SLC44A1: variants seen among roughly 807,000 people sequenced by gnomAD.
SLC44A1 encodes the protein solute carrier family 44 member 1.
Under a neutral mutation model 79.3 loss-of-function variants are expected in SLC44A1, and 26 were observed. That is an observed-to-expected ratio of 0.33 (90% CI 0.24 to 0.46). The LOEUF (loss-of-function observed/expected upper bound fraction) is 0.46. Ranked by LOEUF, SLC44A1 falls within the 20% of genes least tolerant of loss-of-function variation. SLC44A1 has a pLI of 1.00. For missense variants in SLC44A1, 688 were observed against 798.1 expected, an observed-to-expected ratio of 0.86 and a Z score of 1.66; for synonymous variants, 263 against 286.2, an observed-to-expected ratio of 0.92 and a Z score of 0.82.
At chr9:105,437,656 C>G (rs1343756414) in intron 15 of SLC44A1, among the ~76,000 whole-genome samples, 3 of 152,110 alleles carry the variant, frequency 2.0e-5, no homozygotes, top group Non-Finnish European at 4.4e-5. Flanking sequence ...ATCTTCAGTT[C>G]ATTTACTTAG....
Position 105,358,240 on chromosome 9 carries a change from A to G in SLC44A1, c.671-104A>G. The G allele has an allele frequency of 4.5e-6, 3 of 669,568 alleles. No homozygotes were observed. In the South Asian group the frequency reaches 6.0e-5, roughly 13 times the overall value. 41.5% of individuals were successfully genotyped at this position (669,568 alleles called of 1,614,324 possible). ...CTTATCTAAATTGTGGTCAATAGCAACAGATTATTTCCCTGGGGAAAAAAG... is the reference window on the plus strand; with the variant it reads ...CTTATCTAAATTGTGGTCAATAGCAGCAGATTATTTCCCTGGGGAAAAAAG... On this transcript the variant is annotated intron_variant, in intron 6 of 15. Coordinates refer to ENST00000374720, the MANE Select transcript of SLC44A1 (RefSeq NM_080546.5).
chr9:105,335,457 G>T, intron 3 of SLC44A1, 106 bp from the exon 4 acceptor site: 1 of 750,038 alleles, frequency 1.3e-6, no homozygotes, highest in Non-Finnish European at 2.1e-6. Context: ...TTTTTATCGT[G>T]GAGGAATGTG....
chr9:105,253,054 G>A (rs1044471925), intron 1 of SLC44A1, among the ~76,000 whole-genome samples: 4 of 152,226 alleles, frequency 2.6e-5, no homozygotes, highest in Middle Eastern at 6.8e-3. Context: ...CAAACATTTG[G>A]TTGATAAACC....
intron 3 of SLC44A1, among the ~76,000 whole-genome samples, chr9:105,312,427 G>T (rs2131314432): frequency 6.6e-6 from 1 of 152,278 alleles, no homozygotes; most frequent in South Asian, 2.1e-4. Flanking sequence ...GAGAAGAAAT[G>T]AGATATATTT....
chr9:105,255,709 T>C (rs1345010103), intron 1 of SLC44A1, among the ~76,000 whole-genome samples: 3 of 152,204 alleles, frequency 2.0e-5, no homozygotes, highest in African/African-American at 7.2e-5. Flanking sequence ...TTGAACATCA[T>C]TGTGTACTGG....
At chr9:105,322,562 G>A (rs1260556836) in intron 3 of SLC44A1, among the ~76,000 whole-genome samples, 2 of 152,138 alleles carry the variant, frequency 1.3e-5, no homozygotes, top group African/African-American at 2.4e-5. Context: ...AATGAAAGGG[G>A]TATTGCCATT....
intron 15 of SLC44A1, among the ~76,000 whole-genome samples, chr9:105,422,862 A>G: frequency 6.6e-6 from 1 of 152,220 alleles, no homozygotes; most frequent in Non-Finnish European, 1.5e-5. Flanking sequence ...TCCAGAATCA[A>G]ACAAGTTTGT....
chr9:105,399,030 G>A (rs931699757), downstream of SLC44A1, among the ~76,000 whole-genome samples: 2 of 151,956 alleles, frequency 1.3e-5, no homozygotes, highest in African/African-American at 2.4e-5. Flanking sequence ...CATGCGTCTC[G>A]CGGGCCGTGG....
At chr9:105,438,405 T>A in exon 16 of SLC44A1, 1 of 864,656 alleles carries the variant, frequency 1.2e-6, no homozygotes, top group East Asian at 2.7e-5. Context: ...ATCTTATTAC[T>A]TCAATGAAAG....
chr9:105,308,843 T>A (rs187235522), intron 2 of SLC44A1, among the ~76,000 whole-genome samples: 14 of 152,346 alleles, frequency 9.2e-5, no homozygotes, highest in Non-Finnish European at 2.1e-4. Context: ...TACAATCAAT[T>A]TATCAGTAGT....
chr9:105,376,159 A>T (rs1828275620), intron 13 of SLC44A1, among the ~76,000 whole-genome samples: 1 of 152,152 alleles, frequency 6.6e-6, no homozygotes, highest in Non-Finnish European at 1.5e-5. Flanking sequence ...GGCATGGAGA[A>T]GTATATATAG....
Position 105,365,603 on chromosome 9 carries a change from G to A in SLC44A1, c.1374G>A (p.Met458Ile). 1 of 1,613,870 alleles carries A rather than the reference G, an allele frequency of 6.2e-7. No homozygotes were observed. ...TCACATTAGTCAAAATTCCGCGAAT[G>A]ATCCTTATGTATATTCACAGTCAGC... ...FIITLVKIPR[M>I]ILMYIHSQLK... Residue 458 changes from methionine (M) to isoleucine (I), a missense_variant, in exon 11 of 16, where the codon ATG becomes ATA. Transcript: ENST00000374720.
intron 3 of SLC44A1, among the ~76,000 whole-genome samples, chr9:105,315,420 C>A (rs922520699): frequency 3.4e-4 from 51 of 152,052 alleles, no homozygotes; most frequent in Admixed American, 2.4e-3. Flanking sequence ...TTTGCAATAT[C>A]TACACATATA....
chr9:105,355,499 G>A (rs1337536307), intron 5 of SLC44A1, among the ~76,000 whole-genome samples: 1 of 152,110 alleles, frequency 6.6e-6, no homozygotes, highest in Admixed American at 6.5e-5. Context: ...ATTATTTTCT[G>A]TTCTCATGAT....
intron 1 of SLC44A1, among the ~76,000 whole-genome samples, chr9:105,276,598 G>A (rs932566557): frequency 6.7e-6 from 1 of 150,246 alleles, no homozygotes; most frequent in African/African-American, 2.5e-5. Flanking sequence ...GTGTGTGTGT[G>A]TGTGTGTGTG....
intron 1 of SLC44A1, among the ~76,000 whole-genome samples, chr9:105,286,544 A>G (rs1830483010): frequency 6.6e-6 from 1 of 152,236 alleles, no homozygotes; most frequent in Non-Finnish European, 1.5e-5. Context: ...AAGTACTTGT[A>G]TAAAACATCA....
exon 16 of SLC44A1, chr9:105,438,484 A>G: frequency 3.9e-6 from 2 of 513,832 alleles, no homozygotes; most frequent in Non-Finnish European, 6.9e-6. Context: ...CTAATAAATA[A>G]TCAAAAGCAT....
intron 1 of SLC44A1, among the ~76,000 whole-genome samples, chr9:105,298,138 A>G (rs1351706086): frequency 6.6e-6 from 1 of 152,056 alleles, no homozygotes; most frequent in African/African-American, 2.4e-5. Context: ...TTGGAATTCC[A>G]GTCAATACTT....
Position 105,244,686 on chromosome 9 carries a change from T to C in SLC44A1, c.-183T>C. On this transcript the variant is annotated 5_prime_UTR_variant, in exon 1 of 16. Transcript: ENST00000374720. ...CCGCCGTCGCCGCCGCCGGGGGATGTGGCCGGCGCCTGCCTCTAGCCGCGC... is the reference window on the plus strand; with the variant it reads ...CCGCCGTCGCCGCCGCCGGGGGATGCGGCCGGCGCCTGCCTCTAGCCGCGC... The C allele has an allele frequency of 3.6e-6, 1 of 277,586 alleles. No homozygotes were observed. Among genetic ancestry groups the C allele is most frequent in the Non-Finnish European group, 6.6e-6 (1 of 151,054 alleles). The allele number at this position is 277,586 out of a possible 1,614,324, so 17.2% of individuals were successfully genotyped here. A position where few individuals can be genotyped will look rare whatever the true frequency, so the allele number is the denominator to read the frequency against.
Sources: allele counts gnomAD v4.1 joint callset (sites outside exome capture counted in the v4.1 genomes callset), GRCh38; gene constraint gnomAD v4.1.1; transcripts MANE v1.5; gene names NCBI Gene and HGNC (gene_info 2026-07-23, HGNC 2026-07-21).